Variants in KATNAL1 observed in about 807,000 individuals in gnomAD.
KATNAL1 encodes the protein katanin catalytic subunit A1 like 1.
KATNAL1 carries 32 observed loss-of-function variants against 55.2 expected under a neutral mutation model. The observed-to-expected ratio is 0.58, with a 90% CI of 0.44 to 0.78. The LOEUF (loss-of-function observed/expected upper bound fraction) is 0.78, where lower values mean the gene tolerates loss of function less well. Ranked by LOEUF, KATNAL1 falls within the 30% of genes least tolerant of loss-of-function variation. KATNAL1 has a pLI of 0.00. For missense variants in KATNAL1, 466 were observed against 600.9 expected, an observed-to-expected ratio of 0.78 and a Z score of 2.35; for synonymous variants, 193 against 193.6, an observed-to-expected ratio of 1.00 and a Z score of 0.02.
At chr13:30,301,792 A>G (rs1882871223) in intron 1 of KATNAL1, among the ~76,000 whole-genome samples, 1 of 152,196 alleles carries the variant, frequency 6.6e-6, no homozygotes, top group Non-Finnish European at 1.5e-5. Flanking sequence ...CTTGTTTTTT[A>G]ATTTCATAGT....
intron 2 of KATNAL1, among the ~76,000 whole-genome samples, chr13:30,282,640 T>TAA (rs1193595169): frequency 4.6e-5 from 6 of 130,162 alleles, no homozygotes; most frequent in South Asian, 4.9e-4. Flanking sequence ...CCTGTCTCTT[T>TAA]AAAAAAAAAA....
rs550299000 is a variant in KATNAL1, at chr13:30,298,809, A to T, written c.-15+8522T>A. ...CTGACCAGAATGCAGCATATAGAGA[A>T]TAAGTAAATAAGATTAAGAAATGCA... On this transcript the variant is annotated intron_variant, in intron 1 of 10. Transcript: ENST00000380615. Among the ~76,000 whole-genome samples, 3 of 152,284 alleles carry T rather than the reference A, an allele frequency of 2.0e-5. No homozygotes were observed. The East Asian group carries it at 5.8e-4, about 29-fold the overall frequency.
intron 9 of KATNAL1, among the ~76,000 whole-genome samples, chr13:30,221,647 T>C (rs564350211): frequency 6.6e-6 from 1 of 152,368 alleles, no homozygotes; most frequent in South Asian, 2.1e-4. Flanking sequence ...TCAAAGTTTC[T>C]GTGTGCCAAG....
At chr13:30,262,018 C>G (rs2137479517) in intron 3 of KATNAL1, among the ~76,000 whole-genome samples, 1 of 152,264 alleles carries the variant, frequency 6.6e-6, no homozygotes, top group East Asian at 1.9e-4. Flanking sequence ...AACAAACTAT[C>G]TCTCAGACCA....
chr13:30,262,171 G>A (rs1879350211), intron 3 of KATNAL1, among the ~76,000 whole-genome samples: 2 of 151,536 alleles, frequency 1.3e-5, no homozygotes, highest in South Asian at 4.2e-4. Flanking sequence ...TGAAACCAAC[G>A]AGAACAAAGA....
At chr13:30,241,206 G>A (rs1877246346) in intron 4 of KATNAL1, 120 bp from the exon 5 acceptor site, 1 of 920,852 alleles carries the variant, frequency 1.1e-6, no homozygotes, top group African/African-American at 1.7e-5. Context: ...TTTTAAGGTA[G>A]TATTTTCTGA....
intron 4 of KATNAL1, 78 bp downstream of exon 4, chr13:30,255,369 A>T: frequency 8.2e-7 from 1 of 1,224,142 alleles, no homozygotes; most frequent in African/African-American, 1.6e-5. Flanking sequence ...GGGTATCTTG[A>T]AAAGCCAACA....
At position 30,204,609 on chromosome 13, in the gene KATNAL1, C is replaced by T. The variant is rs1242356543; in HGVS notation, c.*3931G>A. The T allele has an allele frequency of 6.6e-6, 1 of 152,194 alleles. No homozygotes were observed. The highest frequency in any genetic ancestry group is 2.4e-5 in the African/African-American group (1 of 41,458). 9.4% of individuals were successfully genotyped at this position (152,194 alleles called of 1,614,324 possible). A position where few individuals can be genotyped will look rare whatever the true frequency, so the allele number is the denominator to read the frequency against. On this transcript the variant is annotated 3_prime_UTR_variant, in exon 11 of 11. Coordinates refer to ENST00000380615, the MANE Select transcript of KATNAL1 (RefSeq NM_032116.5). ...TTCAACAGAGTCAGGCTATACAAAA[C>T]AAAGTCAAAGAATGACAATCATACT...
intron 4 of KATNAL1, among the ~76,000 whole-genome samples, chr13:30,248,075 A>G (rs564618829): frequency 6.6e-6 from 1 of 152,390 alleles, no homozygotes; most frequent in South Asian, 2.1e-4. Flanking sequence ...ATAAGGATAT[A>G]CAAATTCTAA....
chr13:30,228,056 T>C lies in KATNAL1; in HGVS notation c.1013-510A>G, dbSNP rs191105672. Among the ~76,000 whole-genome samples the C allele has an allele frequency of 2.8e-3, 431 of 152,296 alleles. 4 individuals carry two copies. Among genetic ancestry groups the C allele is most frequent in the African/African-American group, 9.8e-3 (409 of 41,576 alleles). On this transcript the variant is annotated intron_variant, in intron 8 of 10. Transcript: ENST00000380615. The stretch of plus-strand genomic sequence containing the variant: ...TTCCATGATGTTGTCCTTTAAACTT[T>C]TAAGTGACCTGTAAAAAATAAATAA...
Position 30,229,320 on chromosome 13 carries a change from C to T in KATNAL1, c.1012+1148G>A, listed in dbSNP as rs373258805. ...CCACTGCACCCAGACTTTACTTCTA[C>T]GCCAGAATGTACCATAATGTATTAT... On this transcript the variant is annotated intron_variant, in intron 8 of 10. Coordinates refer to ENST00000380615, the MANE Select transcript of KATNAL1 (RefSeq NM_032116.5). Among the ~76,000 whole-genome samples the T allele has an allele frequency of 1.6e-4, 25 of 152,178 alleles. No individual in the cohort carries two copies. In the South Asian group the frequency reaches 2.9e-3, roughly 18 times the overall value.
At chr13:30,270,099 A>G (rs2137502906) in intron 3 of KATNAL1, among the ~76,000 whole-genome samples, 1 of 123,804 alleles carries the variant, frequency 8.1e-6, no homozygotes, top group Middle Eastern at 6.1e-3. Flanking sequence ...CCGCCCGGCC[A>G]GCCGCCCCGT....
At chr13:30,301,615 G>A (rs748674219) in intron 1 of KATNAL1, among the ~76,000 whole-genome samples, 5 of 152,078 alleles carry the variant, frequency 3.3e-5, no homozygotes, top group African/African-American at 1.2e-4. Context: ...CATAGAGCCT[G>A]GATTTGAACC....
rs1433829773 is a variant in KATNAL1, at chr13:30,207,546, T to G, written c.*994A>C. On this transcript the variant is annotated 3_prime_UTR_variant, in exon 11 of 11. Transcript: ENST00000380615. ...ATACTAAAATCAAACTCAAGAAAAA[T>G]CAAACAATGCTGGAGCTGAGAAAAA... 1 of 152,020 alleles carries G rather than the reference T, an allele frequency of 6.6e-6. No individual in the cohort carries two copies. The highest frequency in any genetic ancestry group is 2.4e-5 in the African/African-American group (1 of 41,376). The allele number at this position is 152,020 out of a possible 1,614,324, so 9.4% of individuals were successfully genotyped here. A position where few individuals can be genotyped will look rare whatever the true frequency, so the allele number is the denominator to read the frequency against.
At position 30,203,964 on chromosome 13, in the gene KATNAL1, A is replaced by G. The variant is rs1872884638; in HGVS notation, c.*4576T>C. 6.6e-6 allele frequency: 1 copy of G among 152,182 alleles called. No homozygotes were observed. Among genetic ancestry groups the G allele is most frequent in the African/African-American group, 2.4e-5 (1 of 41,456 alleles). 9.4% of individuals were successfully genotyped at this position (152,182 alleles called of 1,614,324 possible). ...TTACAATAATTACAACAGAGTTTTTAGCTTTTTCTGTAAAAATAGTTAGTG... is the reference window on the plus strand; with the variant it reads ...TTACAATAATTACAACAGAGTTTTTGGCTTTTTCTGTAAAAATAGTTAGTG... On this transcript the variant is annotated 3_prime_UTR_variant, in exon 11 of 11. Coordinates refer to ENST00000380615, the MANE Select transcript of KATNAL1 (RefSeq NM_032116.5).
intron 6 of KATNAL1, among the ~76,000 whole-genome samples, chr13:30,235,955 T>C (rs1359752551): frequency 6.6e-6 from 1 of 152,096 alleles, no homozygotes; most frequent in Non-Finnish European, 1.5e-5. Flanking sequence ...ATTCTTACAA[T>C]AAAGCTAGAA....
chr13:30,266,537 A>G (rs1879798044), intron 3 of KATNAL1, among the ~76,000 whole-genome samples: 1 of 152,168 alleles, frequency 6.6e-6, no homozygotes, highest in African/African-American at 2.4e-5. Context: ...CTTAACATGC[A>G]TTTTCATGCA....
At chr13:30,272,760 C>T (rs1195029584) in intron 3 of KATNAL1, among the ~76,000 whole-genome samples, 1 of 152,060 alleles carries the variant, frequency 6.6e-6, no homozygotes, top group East Asian at 1.9e-4. Flanking sequence ...TATAAACGCT[C>T]GCCAGAGAAA....
intron 6 of KATNAL1, among the ~76,000 whole-genome samples, chr13:30,235,158 G>A (rs1053601529): frequency 1.3e-5 from 2 of 152,170 alleles, no homozygotes; most frequent in African/African-American, 4.8e-5. Context: ...GTCCATTTGT[G>A]TTGCTACAAA....
Sources: allele counts gnomAD v4.1 joint callset (sites outside exome capture counted in the v4.1 genomes callset), GRCh38; gene constraint gnomAD v4.1.1; transcripts MANE v1.5; gene names NCBI Gene and HGNC (gene_info 2026-07-23, HGNC 2026-07-21).